MUCL1: variants seen among roughly 807,000 people sequenced by gnomAD.
MUCL1 encodes the protein mucin-like protein 1.
A neutral mutation model predicts 9.2 loss-of-function variants in MUCL1; 11 were observed. The observed-to-expected ratio is 1.19, with a 90% CI of 0.75 to 1.97. MUCL1 has a LOEUF of 1.97. MUCL1 is among the 30% of genes most tolerant of loss of function. The pLI is 0.00. For synonymous variants in MUCL1, 48 were observed against 40.5 expected, an observed-to-expected ratio of 1.19 and a Z score of -0.71; for missense variants, 144 against 110.9, an observed-to-expected ratio of 1.30 and a Z score of -1.34.
At chr12:54,842,004 C>G (rs866033777) in intron 1 of MUCL1, among the ~76,000 whole-genome samples, 1 of 152,092 alleles carries the variant, frequency 6.6e-6, no homozygotes. Flanking sequence ...ATTATCTTGA[C>G]TCTATGTGGC....
At chr12:54,833,365 T>G (rs1320069329) in intron 1 of MUCL1, among the ~76,000 whole-genome samples, 5 of 152,128 alleles carry the variant, frequency 3.3e-5, no homozygotes, top group Non-Finnish European at 7.4e-5. Flanking sequence ...TCTAGTTTTT[T>G]GTATAGATGA....
At chr12:54,830,840 A>C (rs879456540) in exon 1 of MUCL1, 1 of 152,148 alleles carries the variant, frequency 6.6e-6, no homozygotes, top group Non-Finnish European at 1.5e-5. Context: ...ACAGAAAAAA[A>C]ACTTTGGAAA....
intron 1 of MUCL1, among the ~76,000 whole-genome samples, chr12:54,846,317 G>A (rs1390025015): frequency 6.6e-6 from 1 of 152,168 alleles, no homozygotes; most frequent in Non-Finnish European, 1.5e-5. Context: ...GCTCCCCATG[G>A]CCTCTGCACC....
chr12:54,850,166 T>A (rs889532290), upstream of MUCL1, among the ~76,000 whole-genome samples: 15 of 152,346 alleles, frequency 9.8e-5, no homozygotes, highest in Admixed American at 2.0e-4. Flanking sequence ...TACTCATTTT[T>A]TTTTATTATT....
At chr12:54,849,432 T>A (rs932219794) in intron 1 of MUCL1, among the ~76,000 whole-genome samples, 3 of 152,240 alleles carry the variant, frequency 2.0e-5, no homozygotes, top group African/African-American at 7.2e-5. Context: ...TACTTTCTTA[T>A]GTATACTTCT....
Position 54,858,218 on chromosome 12 carries a change from C to T in MUCL1, c.249C>T (p.Leu83=). The change falls in exon 4 of 4, where the codon CTC becomes CTT. Residue 83 remains leucine (L), a synonymous_variant. Transcript: ENST00000308796. ...TTTTACCCAAATGGGTTGGGGATCT[C>T]CCGAATGGTAGAGTGTGTCCCTGAG... ...IPVLPKWVGD[L]PNGRVCP is the part of the protein sequence containing the mutation. 1.2e-6 allele frequency: 2 copies of T among 1,613,532 alleles called. No individual in the cohort carries two copies. The highest frequency in any genetic ancestry group is 1.7e-6 in the Non-Finnish European group (2 of 1,179,614).
upstream of MUCL1, among the ~76,000 whole-genome samples, chr12:54,835,684 C>T (rs1191760103): frequency 6.6e-6 from 1 of 150,884 alleles, no homozygotes; most frequent in African/African-American, 2.4e-5. Context: ...TTCAACTTTT[C>T]CCCGTTCAGT....
At chr12:54,835,754 T>A (rs1312986599), upstream of MUCL1, among the ~76,000 whole-genome samples, 8 of 152,128 alleles carry the variant, frequency 5.3e-5, no homozygotes, top group Non-Finnish European at 7.4e-5. Flanking sequence ...ATGTTCTTTC[T>A]ATGTCTAGTT....
intron 1 of MUCL1, among the ~76,000 whole-genome samples, chr12:54,848,301 AG>A (rs995684696): frequency 1.3e-5 from 2 of 152,198 alleles, no homozygotes; most frequent in Admixed American, 1.3e-4. Flanking sequence ...GCTCTACATT[AG>A]AGTGTGCAGT....
At chr12:54,836,176 A>C (rs1192610672), upstream of MUCL1, among the ~76,000 whole-genome samples, 1 of 152,146 alleles carries the variant, frequency 6.6e-6, no homozygotes, top group African/African-American at 2.4e-5. Context: ...TTTTCTTTGA[A>C]GGTCTGGTAG....
upstream of MUCL1, chr12:54,839,357 C>G (rs1959200037): frequency 2.9e-6 from 2 of 700,782 alleles, no homozygotes; most frequent in African/African-American, 3.5e-5. Flanking sequence ...TAATTTTCTC[C>G]CTCAGTATTT....
upstream of MUCL1, chr12:54,854,483 A>T: frequency 1.1e-6 from 1 of 893,798 alleles, no homozygotes; most frequent in Non-Finnish European, 1.8e-6. Context: ...TGCCCTCTGC[A>T]TATATATTGT....
At chr12:54,847,001 G>T (rs540197667) in intron 1 of MUCL1, among the ~76,000 whole-genome samples, 1 of 152,244 alleles carries the variant, frequency 6.6e-6, no homozygotes, top group African/African-American at 2.4e-5. Flanking sequence ...CCCTTTCACA[G>T]CCTGAGGTTC....
At chr12:54,852,472 G>T (rs1868259745), upstream of MUCL1, among the ~76,000 whole-genome samples, 1 of 152,100 alleles carries the variant, frequency 6.6e-6, no homozygotes, top group South Asian at 2.1e-4. Flanking sequence ...AGCTGAAACT[G>T]GATCCCTTCC....
At chr12:54,850,934 G>GT (rs895217179), upstream of MUCL1, among the ~76,000 whole-genome samples, 9 of 152,070 alleles carry the variant, frequency 5.9e-5, no homozygotes, top group East Asian at 1.9e-4. Context: ...TTTTTCATGC[G>GT]TTTTTTGGCT....
At chr12:54,835,992 G>T (rs1959192580), upstream of MUCL1, among the ~76,000 whole-genome samples, 1 of 152,050 alleles carries the variant, frequency 6.6e-6, no homozygotes, top group African/African-American at 2.4e-5. Flanking sequence ...CTATTATTTT[G>T]TTGAGGACTT....
upstream of MUCL1, among the ~76,000 whole-genome samples, chr12:54,835,710 G>T (rs889988850): frequency 6.6e-6 from 1 of 151,604 alleles, no homozygotes; most frequent in South Asian, 2.1e-4. Flanking sequence ...GCTGACTGTG[G>T]ATTTGTCATA....
chr12:54,837,035 G>A (rs1285197410), upstream of MUCL1, among the ~76,000 whole-genome samples: 1 of 152,126 alleles, frequency 6.6e-6, no homozygotes. Context: ...CATGCACTGA[G>A]GAGAAGAATG....
chr12:54,834,504 T>A (rs116003358), upstream of MUCL1, among the ~76,000 whole-genome samples: 1,790 of 152,140 alleles, frequency 0.012, 38 homozygotes, highest in African/African-American at 0.041. Context: ...AAGTTTTGTA[T>A]ATTTAAGGTA....
Sources: allele counts gnomAD v4.1 joint callset (sites outside exome capture counted in the v4.1 genomes callset), GRCh38; gene constraint gnomAD v4.1.1; transcripts MANE v1.5; gene names NCBI Gene and HGNC (gene_info 2026-07-23, HGNC 2026-07-21).